MAP3K13: variants seen among roughly 807,000 people sequenced by gnomAD.
MAP3K13 encodes the protein mitogen-activated protein kinase kinase kinase 13, also known as leucine zipper-bearing kinase.
Under a neutral mutation model 104.0 loss-of-function variants are expected in MAP3K13, and 52 were observed. The ratio of observed to expected loss-of-function variants is 0.50; its 90% confidence interval spans 0.40 to 0.63. The LOEUF is 0.63. Ranked by LOEUF, MAP3K13 falls within the 20% of genes least tolerant of loss-of-function variation. The pLI is 0.00. For missense variants in MAP3K13, 914 were observed against 1,218.5 expected (o/e 0.75, Z 3.72); for synonymous variants, 394 against 442.2 (o/e 0.89, Z 1.37).
At chr3:185,365,609 A>G (rs1365528597) in intron 1 of MAP3K13, among the ~76,000 whole-genome samples, 1 of 152,198 alleles carries the variant, frequency 6.6e-6, no homozygotes, top group Non-Finnish European at 1.5e-5. Context: ...TGGCAGCCTG[A>G]TCTTGCAATT....
At chr3:185,353,306 AGCCATGG>A (rs1329000631) in intron 2 of MAP3K13, among the ~76,000 whole-genome samples, 1 of 152,268 alleles carries the variant, frequency 6.6e-6, no homozygotes, top group Non-Finnish European at 1.5e-5. Context: ...ACTCCAGCAC[AGCCATGG>A]GATGGAAGAG....
In MAP3K13 at chr3:185,455,288, TATATATATGAG is replaced by T. The variant is rs1274101068; in HGVS notation, c.1278+3926_1278+3936del. 5.2e-3 allele frequency among the ~76,000 whole-genome samples: 38 copies of T among 7,286 alleles called. 3 individuals carry two copies. Among genetic ancestry groups the T allele is most frequent in the Admixed American group, 9.6e-3 (3 of 312 alleles). 4.8% of individuals were successfully genotyped at this position (7,286 alleles called of 152,430 possible). A position where few individuals can be genotyped will look rare whatever the true frequency, so the allele number is the denominator to read the frequency against. Reference sequence around the variant, plus strand: ...TGAGATATATATGAGATATATGAGATATATATATGAGATATATATGAGATATATATGAGATA... The same window carrying T: ...TGAGATATATATGAGATATATGAGATATATATATGAGATATATATGAGATA... On this transcript the variant is annotated intron_variant, in intron 7 of 13. Transcript: ENST00000265026.
In MAP3K13 at chr3:185,315,280, AC is replaced by A. The variant is rs1721637440; in HGVS notation, c.-86+29638del. Among the ~76,000 whole-genome samples the A allele has an allele frequency of 6.6e-6, 1 of 152,166 alleles. No individual in the cohort carries two copies. Among genetic ancestry groups the A allele is most frequent in the Non-Finnish European group, 1.5e-5 (1 of 68,034 alleles). ...AGAAAAAAAAAACTATAAATATATT[AC>A]ACATAGAACAATGGTCCTCAAACTT... is the stretch of plus-strand genomic sequence containing the variant. On this transcript the variant is annotated intron_variant, in intron 2 of 14. Transcript: ENST00000424227. This position sits in a 1 kb window ranked among gnomAD's most constrained non-coding sequence, Gnocchi z 4.3.
intron 1 of MAP3K13, among the ~76,000 whole-genome samples, chr3:185,389,390 C>T (rs1462927324): frequency 6.6e-6 from 1 of 151,998 alleles, no homozygotes; most frequent in Admixed American, 6.5e-5. Context: ...ATTACAGAAC[C>T]TAACAGGGGT....
intron 2 of MAP3K13, among the ~76,000 whole-genome samples, chr3:185,317,676 G>T (rs1469460508): frequency 1.3e-5 from 2 of 152,218 alleles, no homozygotes; most frequent in South Asian, 2.1e-4. Context: ...GTGGGTAAAC[G>T]TGAAGTTTTC....
chr3:185,389,550 A>AT lies in MAP3K13; in HGVS notation c.-86+26191dup, dbSNP rs199797954. On this transcript the variant is annotated intron_variant, in intron 1 of 13. Coordinates refer to ENST00000265026, the MANE Select transcript of MAP3K13 (RefSeq NM_004721.5). ...GACTGCCAGTTGATACCTGGGGGAA[A>AT]TTTTTTTTTAAAAAAAGATAGAAAA... 3.0e-4 allele frequency among the ~76,000 whole-genome samples: 46 copies of AT among 151,612 alleles called. No individual in the cohort carries two copies. In the East Asian group the frequency reaches 6.2e-3, roughly 20 times the overall value.
chr3:185,346,644 C>T (rs1722934749), intron 2 of MAP3K13, among the ~76,000 whole-genome samples: 1 of 152,086 alleles, frequency 6.6e-6, no homozygotes, highest in Non-Finnish European at 1.5e-5. Flanking sequence ...TTGCAAAGTA[C>T]TGATTATTTA....
chr3:185,428,758 C>G lies in MAP3K13; in HGVS notation c.177C>G (p.Ser59Arg). ...KGMVRTELIE[S>R]VHSPVTTTVL... ...TGGTACGAACAGAGCTAATCGAGAG[C>G]GTGCACAGCCCCGTCACCACAACAG... The change falls in exon 2 of 14, where the codon AGC becomes AGG. Residue 59 changes from serine to arginine, a missense_variant. Ser to Arg is a moderately radical substitution (Grantham distance 110). This residue lies in a region of MAP3K13 where 156 missense variants were observed against 159.8 expected (regional missense o/e 0.98). Coordinates refer to ENST00000265026, the MANE Select transcript of MAP3K13 (RefSeq NM_004721.5). The G allele has an allele frequency of 3.1e-6, 5 of 1,614,158 alleles. No individual in the cohort carries two copies. Among genetic ancestry groups the G allele is most frequent in the Non-Finnish European group, 4.2e-6 (5 of 1,180,032 alleles).
chr3:185,415,469 A>G (rs890787648), intron 1 of MAP3K13, among the ~76,000 whole-genome samples: 1 of 151,040 alleles, frequency 6.6e-6, no homozygotes, highest in Non-Finnish European at 1.5e-5. Flanking sequence ...TGGTCTAATT[A>G]TTCTTATGTT....
intron 2 of MAP3K13, among the ~76,000 whole-genome samples, chr3:185,435,886 C>G (rs1197009775): frequency 2.6e-5 from 4 of 152,190 alleles, no homozygotes; most frequent in Admixed American, 2.0e-4. Flanking sequence ...GATTTGCTTT[C>G]AAGACCAGAG....
chr3:185,371,152 G>A (rs769553869), intron 1 of MAP3K13, among the ~76,000 whole-genome samples: 16 of 150,918 alleles, frequency 1.1e-4, no homozygotes, highest in Non-Finnish European at 2.2e-4. Context: ...TGTAGATTTT[G>A]TCAAAAAAAA....
At chr3:185,463,143 G>T (rs1016190607) in intron 7 of MAP3K13, among the ~76,000 whole-genome samples, 1 of 152,202 alleles carries the variant, frequency 6.6e-6, no homozygotes, top group African/African-American at 2.4e-5. Flanking sequence ...GGCCCAAAAA[G>T]ATGTTCGTAA....
In MAP3K13 at chr3:185,418,406, A is replaced by T; in HGVS notation, c.-85-10091A>T. On this transcript the variant is annotated intron_variant, in intron 1 of 13. Coordinates refer to ENST00000265026, the MANE Select transcript of MAP3K13 (RefSeq NM_004721.5). This position sits in a 1 kb window ranked among gnomAD's most constrained non-coding sequence, Gnocchi z 4.5. Reference sequence around the variant, plus strand: ...AGGGCTGAGGCAGCCAGGGCAGAACAGATGGCATATCGTTTTTGGGTTGTG... The same window carrying T: ...AGGGCTGAGGCAGCCAGGGCAGAACTGATGGCATATCGTTTTTGGGTTGTG... 6.2e-7 allele frequency: 1 copy of T among 1,607,464 alleles called. No homozygotes were observed. Among genetic ancestry groups the T allele is most frequent in the South Asian group, 1.1e-5 (1 of 90,896 alleles).
rs543640159 is a variant in MAP3K13, at chr3:185,283,902, T to C, written c.-205+875T>C. Among the ~76,000 whole-genome samples the C allele has an allele frequency of 4.6e-3, 674 of 147,500 alleles. 3 individuals are homozygous for C. Among genetic ancestry groups the C allele is most frequent in the African/African-American group, 0.013 (536 of 40,048 alleles). Reference sequence around the variant, plus strand: ...TTCCTTTTTCTTTCTTTCTTTCTTTTTTTTTTTTTTTTTTTCTGAGACGGA... The same window carrying C: ...TTCCTTTTTCTTTCTTTCTTTCTTTCTTTTTTTTTTTTTTTCTGAGACGGA... On this transcript the variant is annotated intron_variant, in intron 1 of 14. Coordinates refer to the MAP3K13 transcript ENST00000424227.
At chr3:185,447,629 A>G (rs566381014) in intron 4 of MAP3K13, among the ~76,000 whole-genome samples, 160 bp from the exon 5 acceptor site, 4 of 151,622 alleles carry the variant, frequency 2.6e-5, no homozygotes, top group Non-Finnish European at 5.9e-5. Context: ...GAATGATGCT[A>G]TTTCTAGTGT....
intron 2 of MAP3K13, among the ~76,000 whole-genome samples, chr3:185,333,327 T>C (rs1011944241): frequency 6.6e-6 from 1 of 152,160 alleles, no homozygotes; most frequent in African/African-American, 2.4e-5. Flanking sequence ...TAACATTGGA[T>C]TGTTGTAAAG....
chr3:185,425,575 T>C (rs1221469379), intron 1 of MAP3K13, among the ~76,000 whole-genome samples: 1 of 152,230 alleles, frequency 6.6e-6, no homozygotes, highest in Non-Finnish European at 1.5e-5. Flanking sequence ...TCTACTTCTA[T>C]AGACGTGATT....
At chr3:185,305,167 C>T (rs1374424712) in intron 2 of MAP3K13, among the ~76,000 whole-genome samples, 5 of 152,052 alleles carry the variant, frequency 3.3e-5, no homozygotes, top group East Asian at 1.9e-4. Flanking sequence ...CTATATGTCT[C>T]GTAGTTCTTT....
intron 10 of MAP3K13, among the ~76,000 whole-genome samples, chr3:185,469,445 C>A (rs1468343823): frequency 6.6e-6 from 1 of 152,170 alleles, no homozygotes; most frequent in Non-Finnish European, 1.5e-5. Context: ...TGCACTTCTC[C>A]ATCAAATGGG....
Sources: allele counts gnomAD v4.1 joint callset (sites outside exome capture counted in the v4.1 genomes callset), GRCh38; gene constraint gnomAD v4.1.1; regional missense constraint gnomAD v4.1.1; non-coding constraint Gnocchi (gnomAD v3.1); transcripts MANE v1.5; gene names NCBI Gene and HGNC (gene_info 2026-07-23, HGNC 2026-07-21).